Variants in GADL1 observed in about 807,000 individuals in gnomAD.
The protein encoded by GADL1 is GAD like acidic amino acid decarboxylase 1.
A neutral mutation model predicts 69.5 loss-of-function variants in GADL1; 71 were observed. The observed-to-expected ratio is 1.02, with a 90% confidence interval of 0.84 to 1.25. The LOEUF is 1.25. GADL1 is among the 50% of genes most tolerant of loss of function. The pLI, the probability that GADL1 is intolerant of heterozygous loss-of-function variation, is 0.00. For synonymous variants in GADL1, 254 were observed against 214.4 expected (o/e 1.18, Z -1.62); for missense variants, 737 against 631.8 (o/e 1.17, Z -1.79).
intron 14 of GADL1, among the ~76,000 whole-genome samples, chr3:30,753,032 A>G (rs1188474123): frequency 6.6e-6 from 1 of 152,218 alleles, no homozygotes; most frequent in African/African-American, 2.4e-5. Context: ...GAGAGTCATA[A>G]CGGGCATCTT....
intron 11 of GADL1, among the ~76,000 whole-genome samples, chr3:30,814,621 C>A (rs1051046089): frequency 2.6e-5 from 4 of 152,104 alleles, no homozygotes; most frequent in Admixed American, 2.6e-4. Flanking sequence ...TTTTAGACCC[C>A]ATGCTTTAAG....
chr3:30,754,893 G>A (rs1286225378), intron 14 of GADL1, among the ~76,000 whole-genome samples: 1 of 141,664 alleles, frequency 7.1e-6, no homozygotes, highest in Non-Finnish European at 1.6e-5. Context: ...TGCTTGGGTA[G>A]GATTTTTAAA....
intron 6 of GADL1, among the ~76,000 whole-genome samples, chr3:30,848,216 C>T (rs1698087443): frequency 6.6e-6 from 1 of 152,140 alleles, no homozygotes; most frequent in Admixed American, 6.5e-5. Flanking sequence ...ACATTCTTCT[C>T]TTGGTACAGA....
intron 11 of GADL1, among the ~76,000 whole-genome samples, chr3:30,830,205 A>T (rs1697764729): frequency 6.6e-6 from 1 of 151,726 alleles, no homozygotes; most frequent in Non-Finnish European, 1.5e-5. Flanking sequence ...GAGGGGTCCT[A>T]CCCTATGCCT....
chr3:30,757,771 TAA>T (rs1323203143), intron 14 of GADL1, among the ~76,000 whole-genome samples: 2 of 147,630 alleles, frequency 1.4e-5, no homozygotes, highest in Admixed American at 6.6e-5. Context: ...CTCCCCTGTT[TAA>T]ACAGTTCTAG....
chr3:30,816,900 T>C (rs569661421), intron 11 of GADL1, among the ~76,000 whole-genome samples: 2 of 152,260 alleles, frequency 1.3e-5, no homozygotes, highest in South Asian at 2.1e-4. Flanking sequence ...GATAACTGTA[T>C]TGTATAGCAT....
chr3:30,874,904 C>T (rs891064263), intron 1 of GADL1, among the ~76,000 whole-genome samples: 4 of 151,910 alleles, frequency 2.6e-5, no homozygotes, highest in African/African-American at 9.7e-5. Context: ...TAAAGCAGCA[C>T]CAACGTACAT....
chr3:30,827,431 T>A (rs551511602), intron 11 of GADL1, among the ~76,000 whole-genome samples: 2 of 151,836 alleles, frequency 1.3e-5, no homozygotes, highest in East Asian at 3.9e-4. Flanking sequence ...ATAGAAGCAA[T>A]ATACTGAGCT....
chr3:30,858,279 CATATT>C (rs568111950), intron 2 of GADL1, among the ~76,000 whole-genome samples: 42 of 151,996 alleles, frequency 2.8e-4, no homozygotes, highest in African/African-American at 9.4e-4. Context: ...CTTTATGTGA[CATATT>C]ATAGAGTTTG....
chr3:30,759,514 A>G (rs1696068234), intron 14 of GADL1, among the ~76,000 whole-genome samples: 2 of 152,356 alleles, frequency 1.3e-5, no homozygotes, highest in South Asian at 4.1e-4. Context: ...AGTGCTTGGC[A>G]CAAAGCATTT....
At chr3:30,824,149 G>T (rs1482421599) in intron 11 of GADL1, among the ~76,000 whole-genome samples, 2 of 151,678 alleles carry the variant, frequency 1.3e-5, no homozygotes, top group African/African-American at 4.8e-5. Flanking sequence ...GAACATCCTT[G>T]TTAAATAGTA....
intron 11 of GADL1, among the ~76,000 whole-genome samples, chr3:30,828,960 C>T (rs943537461): frequency 6.6e-6 from 1 of 151,854 alleles, no homozygotes; most frequent in Admixed American, 6.6e-5. Flanking sequence ...ATCTGATTAG[C>T]ATGTTTCATG....
chr3:30,780,097 T>C (rs949532506), intron 13 of GADL1, among the ~76,000 whole-genome samples: 1 of 152,098 alleles, frequency 6.6e-6, no homozygotes, highest in South Asian at 2.1e-4. Flanking sequence ...GGAGAGCCCA[T>C]AAATGGCTTT....
intron 14 of GADL1, among the ~76,000 whole-genome samples, chr3:30,759,513 C>CACA (rs1237866861): frequency 6.6e-6 from 1 of 152,162 alleles, no homozygotes; most frequent in Admixed American, 6.6e-5. Flanking sequence ...TAGTGCTTGG[C>CACA]ACAAAGCATT....
intron 11 of GADL1, among the ~76,000 whole-genome samples, chr3:30,825,155 T>G (rs559653823): frequency 6.6e-6 from 1 of 152,076 alleles, no homozygotes; most frequent in South Asian, 2.1e-4. Context: ...TTTCACATCT[T>G]GGAAGCAGGA....
In GADL1 at chr3:30,728,295, C is replaced by A. The variant is rs770638457; in HGVS notation, c.1513G>T (p.Glu505Ter). 2 of 1,613,888 alleles carry A rather than the reference C, an allele frequency of 1.2e-6. No individual in the cohort carries two copies. Among genetic ancestry groups the A allele is most frequent in the South Asian group, 1.1e-5 (1 of 91,078 alleles). ...QVVISPQVSR[E>*]DMDFLLDEID... ...TCATCCAGGAGGAAGTCCATGTCCTCCCGGCTCACTTGAGGGCTGATCACC... is the reference window on the plus strand; with the variant it reads ...TCATCCAGGAGGAAGTCCATGTCCTACCGGCTCACTTGAGGGCTGATCACC... Residue 505 changes from glutamate to a stop codon, truncating the protein, a stop_gained, in exon 15 of 15, where the codon GAG (glutamate) becomes TAG (stop). Coordinates refer to ENST00000282538, the MANE Select transcript of GADL1 (RefSeq NM_207359.3). LOFTEE classifies it high-confidence loss of function.
Position 30,728,160 on chromosome 3 carries a change from A to G in GADL1, c.*82T>C. The stretch of plus-strand genomic sequence containing the variant: ...CCCTATTTCTCATCAGAAGGGCTGC[A>G]ATCTACTGTGTATCTCCAAGATGTT... On this transcript the variant is annotated 3_prime_UTR_variant, in exon 15 of 15. Transcript: ENST00000282538. The G allele has an allele frequency of 4.8e-6, 6 of 1,239,938 alleles. No homozygotes were observed. The South Asian group carries it at 7.9e-5, about 16-fold the overall frequency. The allele number at this position is 1,239,938 out of a possible 1,614,324, so 76.8% of individuals were successfully genotyped here. A position where few individuals can be genotyped will look rare whatever the true frequency, so the allele number is the denominator to read the frequency against.
intron 9 of GADL1, among the ~76,000 whole-genome samples, chr3:30,836,091 C>A (rs1479611624): frequency 2.0e-5 from 3 of 151,996 alleles, no homozygotes; most frequent in African/African-American, 4.8e-5. Flanking sequence ...TTTCTCACTT[C>A]TCTTATCCCC....
intron 6 of GADL1, among the ~76,000 whole-genome samples, chr3:30,845,184 T>C (rs1441004104): frequency 6.6e-6 from 1 of 152,182 alleles, no homozygotes; most frequent in Non-Finnish European, 1.5e-5. Flanking sequence ...AGCTATGGCA[T>C]GAGTGAGGCT....
Sources: allele counts gnomAD v4.1 joint callset (sites outside exome capture counted in the v4.1 genomes callset), GRCh38; gene constraint gnomAD v4.1.1; transcripts MANE v1.5; gene names NCBI Gene and HGNC (gene_info 2026-07-23, HGNC 2026-07-21).